Variants in LDB3 observed in about 807,000 individuals in gnomAD.
The protein encoded by LDB3 is LIM domain binding 3, also known as LIM domain-binding protein 3.
A neutral mutation model predicts 69.0 loss-of-function variants in LDB3; 49 were observed. The observed-to-expected ratio is 0.71, with a 90% CI of 0.56 to 0.90. The LOEUF (loss-of-function observed/expected upper bound fraction) is 0.90, where lower values mean the gene tolerates loss of function less well. Among genes scored for constraint, LDB3 ranks in the 40% least tolerant of loss-of-function variants. The pLI is 0.00. For synonymous variants in LDB3, 387 were observed against 396.2 expected, an observed-to-expected ratio of 0.98 and a Z score of 0.28; for missense variants, 928 against 974.1, an observed-to-expected ratio of 0.95 and a Z score of 0.63.
intron 4 of LDB3, among the ~76,000 whole-genome samples, chr10:86,680,798 C>A (rs1454891180): frequency 6.6e-6 from 1 of 152,234 alleles, no homozygotes; most frequent in Non-Finnish European, 1.5e-5. Flanking sequence ...TCAACTTCTC[C>A]CCCTATGTGA....
intron 7 of LDB3, among the ~76,000 whole-genome samples, chr10:86,696,644 G>A (rs1049776210): frequency 1.3e-5 from 2 of 152,198 alleles, no homozygotes; most frequent in Non-Finnish European, 2.9e-5. Context: ...AGGACTTGAC[G>A]ATTTACAGGC....
intron 6 of LDB3, 126 bp downstream of exon 6, chr10:86,692,191 T>A: frequency 8.7e-7 from 1 of 1,155,022 alleles, no homozygotes; most frequent in East Asian, 2.6e-5. Flanking sequence ...CCAGGCTTGA[T>A]GGTTTGTCAG....
chr10:86,710,478 T>C (rs1424846220), intron 9 of LDB3, among the ~76,000 whole-genome samples: 4 of 152,090 alleles, frequency 2.6e-5, no homozygotes, highest in Non-Finnish European at 4.4e-5. Flanking sequence ...TAATCCCAGC[T>C]ACTCGGGAGG....
At position 86,681,492 on chromosome 10, in the gene LDB3, G is replaced by A. The variant is rs149872184; in HGVS notation, c.378G>A (p.Ala126=). ...SLVAPSPSPE[A]RASPGTPGTP... ...TGGCACCCAGCCCCAGCCCTGAGGCGAGGGCCAGCCCAGGCACCCCAGGCA... is the reference window on the plus strand; with the variant it reads ...TGGCACCCAGCCCCAGCCCTGAGGCAAGGGCCAGCCCAGGCACCCCAGGCA... The change falls in exon 5 of 14, where the codon GCG becomes GCA. Residue 126 remains alanine (A), a synonymous_variant. Coordinates refer to ENST00000361373, the MANE Select transcript of LDB3 (RefSeq NM_007078.3). 1.0e-4 allele frequency: 162 copies of A among 1,609,794 alleles called. No individual in the cohort carries two copies. The South Asian group carries it at 1.2e-3, about 12-fold the overall frequency.
At chr10:86,700,061 G>A (rs923552859) in intron 7 of LDB3, 65 of 986,422 alleles carry the variant, frequency 6.6e-5, no homozygotes, top group Non-Finnish European at 7.5e-5. Flanking sequence ...CCAAGCCCCA[G>A]TCATGCTGTG....
intron 8 of LDB3, 142 bp from the exon 9 acceptor site, chr10:86,709,761 TCA>T: frequency 1.1e-5 from 10 of 880,754 alleles, no homozygotes; most frequent in Middle Eastern, 3.4e-4. Context: ...GGTCCTTCCT[TCA>T]CAGTTTCTGG....
At chr10:86,677,439 T>C (rs1189443402) in intron 2 of LDB3, among the ~76,000 whole-genome samples, 5 of 152,212 alleles carry the variant, frequency 3.3e-5, no homozygotes, top group Admixed American at 3.3e-4. Context: ...GTGATATTAC[T>C]GTGGGCAGGG....
chr10:86,711,119 G>C (rs1398236527), intron 9 of LDB3, among the ~76,000 whole-genome samples: 1 of 152,256 alleles, frequency 6.6e-6, no homozygotes, highest in Non-Finnish European at 1.5e-5. Flanking sequence ...AACACAGGGA[G>C]GGGAGGCTGG....
intron 5 of LDB3, among the ~76,000 whole-genome samples, chr10:86,686,813 A>G (rs1486020156): frequency 6.6e-6 from 1 of 151,488 alleles, no homozygotes; most frequent in East Asian, 1.9e-4. Flanking sequence ...TATCAAAAAA[A>G]AAAAAAAAGA....
At chr10:86,676,574 A>AAAG (rs1564631220) in intron 2 of LDB3, among the ~76,000 whole-genome samples, 2 of 143,866 alleles carry the variant, frequency 1.4e-5, no homozygotes, top group African/African-American at 5.4e-5. Context: ...CAAAAAAAAA[A>AAAG]AAAAAGAGAA....
At position 86,718,009 on chromosome 10, in the gene LDB3, G is replaced by C; in HGVS notation, c.1722G>C (p.Glu574Asp). ...VAMGRSWHPE[E>D]FTCAYCKTSL... is the part of the protein sequence containing the mutation. Reference sequence around the variant, plus strand: ...TGGGCCGTTCTTGGCACCCTGAAGAGTTCACCTGTGCCTACTGCAAGACTT... The same window carrying C: ...TGGGCCGTTCTTGGCACCCTGAAGACTTCACCTGTGCCTACTGCAAGACTT... The change falls in exon 11 of 14, where the codon GAG (glutamate) becomes GAC (aspartate). Residue 574 changes from glutamate (E) to aspartate (D), a missense_variant. Physicochemically the swap from Glu to Asp is conservative, Grantham distance 45. Transcript: ENST00000361373. The C allele has an allele frequency of 6.2e-7, 1 of 1,614,236 alleles. No individual in the cohort carries two copies. Among genetic ancestry groups the C allele is most frequent in the East Asian group, 2.2e-5 (1 of 44,888 alleles).
intron 9 of LDB3, among the ~76,000 whole-genome samples, chr10:86,711,715 C>T (rs1470567246): frequency 6.6e-6 from 1 of 151,160 alleles, no homozygotes; most frequent in African/African-American, 2.4e-5. Context: ...TTATCGCTGG[C>T]GCCCGAGGTG....
At chr10:86,705,133 A>C (rs561828723) in intron 7 of LDB3, among the ~76,000 whole-genome samples, 9 of 152,298 alleles carry the variant, frequency 5.9e-5, no homozygotes, top group Non-Finnish European at 7.4e-5. Context: ...TGATCACAAC[A>C]AGAGGTTTAT....
chr10:86,686,216 C>G (rs376378536), intron 5 of LDB3, among the ~76,000 whole-genome samples: 1 of 152,170 alleles, frequency 6.6e-6, no homozygotes, highest in Non-Finnish European at 1.5e-5. Context: ...AAGCACATTC[C>G]CTGAAGCGTC....
intron 7 of LDB3, among the ~76,000 whole-genome samples, chr10:86,701,218 G>A (rs1477438865): frequency 1.3e-5 from 2 of 152,220 alleles, no homozygotes; most frequent in African/African-American, 4.8e-5. Context: ...ATATTTGGCT[G>A]ATGTTTTACA....
At chr10:86,678,809 T>G (rs1395207670) in intron 2 of LDB3, among the ~76,000 whole-genome samples, 1 of 151,900 alleles carries the variant, frequency 6.6e-6, no homozygotes, top group Non-Finnish European at 1.5e-5. Context: ...CTGCCAAATA[T>G]TTTTATTTTT....
rs1263835922 is a variant in LDB3 at position 86,718,035 on chromosome 10, C to G, written c.1748C>G (p.Ser583Cys). The G allele has an allele frequency of 1.2e-6, 2 of 1,614,062 alleles. No individual in the cohort carries two copies. The highest frequency in any genetic ancestry group is 2.7e-5 in the African/African-American group (2 of 74,920). ...TTCACCTGTGCCTACTGCAAGACTTCCCTGGCAGATGTGTGCTTTGTGGAA... is the reference window on the plus strand; with the variant it reads ...TTCACCTGTGCCTACTGCAAGACTTGCCTGGCAGATGTGTGCTTTGTGGAA... Reference protein sequence around the residue: ...EEFTCAYCKTSLADVCFVEEQ... With the variant: ...EEFTCAYCKTCLADVCFVEEQ... Residue 583 changes from serine (S) to cysteine (C), a missense_variant, in exon 11 of 14, where the codon TCC (serine) becomes TGC (cysteine). Physicochemically the swap from Ser to Cys is moderately radical, Grantham distance 112. Transcript: ENST00000361373.
At chr10:86,708,725 G>GC (rs1272806985) in intron 8 of LDB3, among the ~76,000 whole-genome samples, 1 of 152,230 alleles carries the variant, frequency 6.6e-6, no homozygotes, top group East Asian at 1.9e-4. Context: ...AGTGTGCACA[G>GC]CCCCCTGGTC....
chr10:86,685,818 A>T, intron 5 of LDB3: 1 of 1,197,998 alleles, frequency 8.3e-7, no homozygotes, highest in Non-Finnish European at 1.2e-6. Context: ...GTGCATATGT[A>T]TGAGTGGGGT....
Sources: gnomAD v4.1 joint callset for allele counts (sites outside exome capture counted in the v4.1 genomes callset) on GRCh38, gnomAD v4.1.1 for gene constraint, MANE v1.5 for transcripts, NCBI Gene and HGNC (gene_info 2026-07-23, HGNC 2026-07-21) for gene names.